CEP76: variants seen among roughly 807,000 people sequenced by gnomAD.
The protein encoded by CEP76 is centrosomal protein of 76 kDa.
A neutral mutation model predicts 83.3 loss-of-function variants in CEP76; 55 were observed. The observed-to-expected ratio is 0.66, with a 90% CI of 0.53 to 0.83. The LOEUF (loss-of-function observed/expected upper bound fraction) is 0.83, where lower values mean the gene tolerates loss of function less well. Among genes scored for constraint, CEP76 ranks in the 40% least tolerant of loss-of-function variants. The probability of loss-of-function intolerance (pLI) is 0.00; values close to 1 mark genes in which losing one functional copy is unlikely to be tolerated. For missense variants in CEP76, 694 were observed against 799.5 expected (o/e 0.87, Z 1.59); for synonymous variants, 270 against 274.5 (o/e 0.98, Z 0.16).
Position 12,680,803 on chromosome 18 carries a change from A to G in CEP76, c.1148T>C (p.Leu383Pro). Residue 383 changes from leucine (L) to proline (P), a missense_variant, in exon 9 of 12, where the codon CTT becomes CCT. Leu to Pro is a moderately conservative substitution (Grantham distance 98, BLOSUM62 -3). Coordinates refer to ENST00000262127, the MANE Select transcript of CEP76 (RefSeq NM_024899.4). ...NKGDCEDHAN[L>P]LCSLLLGYGL... The stretch of plus-strand genomic sequence containing the variant: ...ATATCCAAGAAGAAGGCTGCACAGA[A>G]GGTTAGCGTGATCTTCACAGTCACC... The G allele has an allele frequency of 1.9e-6, 3 of 1,611,036 alleles. No homozygotes were observed. Among genetic ancestry groups the G allele is most frequent in the Non-Finnish European group, 2.5e-6 (3 of 1,179,112 alleles).
Position 12,672,926 on chromosome 18 carries a change from T to A in CEP76, c.*439A>T. ...TTTTCACCAATGCAATAAATAAATC[T>A]GTCATGAGGTTAATTTCTCCTAATC... On this transcript the variant is annotated 3_prime_UTR_variant, in exon 12 of 12. Transcript: ENST00000262127. 1 of 983,904 alleles carries A rather than the reference T, an allele frequency of 1.0e-6. No homozygotes were observed. Among genetic ancestry groups the A allele is most frequent in the Non-Finnish European group, 1.2e-6 (1 of 828,362 alleles). The allele number at this position is 983,904 out of a possible 1,614,324, so 60.9% of individuals were successfully genotyped here.
At chr18:12,697,122 G>C (rs766391873) in intron 5 of CEP76, 101 bp downstream of exon 5, 94 of 833,516 alleles carry the variant, frequency 1.1e-4, no homozygotes, top group Non-Finnish European at 1.7e-4. Flanking sequence ...TATTTTACAG[G>C]TTTCCCTCTT....
intron 10 of CEP76, 58 bp from the exon 11 acceptor site, chr18:12,674,811 C>G (rs908935465): frequency 3.7e-6 from 4 of 1,094,282 alleles, no homozygotes; most frequent in Non-Finnish European, 5.2e-6. Context: ...TTAAAACCAA[C>G]TAAATAAAAA....
intron 10 of CEP76, among the ~76,000 whole-genome samples, chr18:12,677,227 T>G (rs1282165443): frequency 6.6e-6 from 1 of 151,908 alleles, no homozygotes; most frequent in Non-Finnish European, 1.5e-5. Context: ...CTGAGGCAGG[T>G]AGATCACTTC....
chr18:12,675,761 C>T (rs556332441), intron 10 of CEP76, among the ~76,000 whole-genome samples: 1 of 151,922 alleles, frequency 6.6e-6, no homozygotes, highest in Non-Finnish European at 1.5e-5. Context: ...CTCTGCCTCC[C>T]AGGTTCAAGC....
intron 10 of CEP76, 114 bp downstream of exon 10, chr18:12,677,995 T>C: frequency 1.4e-6 from 1 of 722,656 alleles, no homozygotes; most frequent in Non-Finnish European, 2.3e-6. Flanking sequence ...GTAGGGACTG[T>C]AGTTGTTTTG....
At chr18:12,662,118 C>G (rs1218284778) in exon 13 of CEP76, 1 of 447,828 alleles carries the variant, frequency 2.2e-6, no homozygotes, top group Non-Finnish European at 4.5e-6. Flanking sequence ...ACTGTGCAGC[C>G]CAAGCTTTTC....
At chr18:12,692,849 G>T (rs2039816954) in intron 6 of CEP76, among the ~76,000 whole-genome samples, 1 of 152,150 alleles carries the variant, frequency 6.6e-6, no homozygotes, top group Non-Finnish European at 1.5e-5. Flanking sequence ...AAGAGACAGG[G>T]TCTTGCTCTG....
intron 3 of CEP76, 147 bp downstream of exon 3, chr18:12,699,683 A>G (rs1226745402): frequency 3.8e-6 from 2 of 532,464 alleles, no homozygotes; most frequent in Non-Finnish European, 6.6e-6. Flanking sequence ...TACTTCATGC[A>G]AAACAATCTG....
At chr18:12,671,762 T>C (rs192563003), downstream of CEP76, among the ~76,000 whole-genome samples, 1 of 149,778 alleles carries the variant, frequency 6.7e-6, no homozygotes, top group Admixed American at 6.8e-5. Context: ...CGCCTCAGAC[T>C]CCCGAGTAGC....
At position 12,680,713 on chromosome 18, in the gene CEP76, G is replaced by A; in HGVS notation, c.1238C>T (p.Thr413Ile). The change falls in exon 9 of 12, where the codon ACT becomes ATT. Residue 413 changes from threonine (T) to isoleucine (I), a missense_variant. By Grantham distance (89) the Thr-to-Ile change is moderately conservative (BLOSUM62 -1). Coordinates refer to ENST00000262127, the MANE Select transcript of CEP76 (RefSeq NM_024899.4). ...AKGVPHAWVM[T>I]CGTDGAITFW... Reference sequence around the variant, plus strand: ...AGTGATGGCCCCATCAGTTCCACAAGTCATAACCCATGCATGAGGTACTCC... The same window carrying A: ...AGTGATGGCCCCATCAGTTCCACAAATCATAACCCATGCATGAGGTACTCC... 1 of 1,613,354 alleles carries A rather than the reference G, an allele frequency of 6.2e-7. No individual in the cohort carries two copies. The highest frequency in any genetic ancestry group is 8.5e-7 in the Non-Finnish European group (1 of 1,179,830).
chr18:12,694,986 A>G (rs9959536), intron 6 of CEP76, among the ~76,000 whole-genome samples: 59,508 of 151,806 alleles, frequency 0.39, 12,062 homozygotes, highest in Non-Finnish European at 0.45. Flanking sequence ...AAGTGCTGGG[A>G]CTACAGGCGT....
At chr18:12,667,964 T>C (rs1272745626), downstream of CEP76, among the ~76,000 whole-genome samples, 7 of 147,214 alleles carry the variant, frequency 4.8e-5, no homozygotes, top group South Asian at 4.3e-4. Context: ...ACATCAATAA[T>C]AACATTAAAT....
downstream of CEP76, among the ~76,000 whole-genome samples, chr18:12,667,915 A>C (rs1351367446): frequency 6.6e-6 from 1 of 150,562 alleles, no homozygotes; most frequent in Non-Finnish European, 1.5e-5. Flanking sequence ...GGGGAAAAAA[A>C]CACGAGGGAA....
rs1256036107 is a variant in CEP76, at chr18:12,678,456, A to G, written c.1290-14T>C. 1.3e-6 allele frequency: 2 copies of G among 1,511,358 alleles called. No homozygotes were observed. Among genetic ancestry groups the G allele is most frequent in the Non-Finnish European group, 1.8e-6 (2 of 1,115,314 alleles). The allele number at this position is 1,511,358 out of a possible 1,614,324, so 93.6% of individuals were successfully genotyped here. The stretch of plus-strand genomic sequence containing the variant: ...TTATGGATGTACCTAAAAAAATTAA[A>G]TAATTTTATATATGAGAACTTAAAA... On this transcript the variant is annotated splice_polypyrimidine_tract_variant and intron_variant, in intron 9 of 11. Coordinates refer to ENST00000262127, the MANE Select transcript of CEP76 (RefSeq NM_024899.4).
At position 12,678,230 on chromosome 18, in the gene CEP76, G is replaced by A. The variant is rs151031205; in HGVS notation, c.1502C>T (p.Ala501Val). 22 of 1,614,004 alleles carry A rather than the reference G, an allele frequency of 1.4e-5. No homozygotes were observed. The highest frequency in any genetic ancestry group is 1.6e-4 in the Middle Eastern group (1 of 6,084). The change falls in exon 10 of 12, where the codon GCT (alanine) becomes GTT (valine). Residue 501 changes from alanine (A) to valine (V), a missense_variant. Physicochemically the swap from Ala to Val is moderately conservative, Grantham distance 64. Coordinates refer to ENST00000262127, the MANE Select transcript of CEP76 (RefSeq NM_024899.4). ...MSEEAIKSVC[A>V]PGATTSLPPF... ...AGGAAGGGATGTTGTAGCTCCAGGAGCACACACAGATTTAATTGCTTCCTC... is the reference window on the plus strand; with the variant it reads ...AGGAAGGGATGTTGTAGCTCCAGGAACACACACAGATTTAATTGCTTCCTC...
intron 12 of CEP76, chr18:12,662,275 C>A: frequency 2.5e-6 from 1 of 393,294 alleles, no homozygotes; most frequent in South Asian, 1.9e-5. Context: ...ATCTGTAGTG[C>A]TATTTATACT....
At chr18:12,698,812 A>T (rs535025049) in intron 4 of CEP76, 167 bp downstream of exon 4, 113 of 596,894 alleles carry the variant, frequency 1.9e-4, no homozygotes, top group African/African-American at 1.9e-3. Flanking sequence ...CAAACAGAAT[A>T]TTGCAAGAAG....
At chr18:12,665,693 A>G (rs541572369) in intron 12 of CEP76, among the ~76,000 whole-genome samples, 1 of 152,250 alleles carries the variant, frequency 6.6e-6, no homozygotes. Context: ...AACTTCTTAA[A>G]AATTTTTTTT....
Sources: gnomAD v4.1 joint callset for allele counts (sites outside exome capture counted in the v4.1 genomes callset) on GRCh38, gnomAD v4.1.1 for gene constraint, MANE v1.5 for transcripts, NCBI Gene and HGNC (gene_info 2026-07-23, HGNC 2026-07-21) for gene names.